The following VSTM2A variants were observed in gnomAD, a reference collection of about 807,000 sequenced individuals.
VSTM2A encodes V-set and transmembrane domain containing 2A.
A neutral mutation model predicts 27.3 loss-of-function variants in VSTM2A; 13 were observed. The ratio of observed to expected loss-of-function variants is 0.48; its 90% CI spans 0.31 to 0.76. The LOEUF (loss-of-function observed/expected upper bound fraction) is 0.76, where lower values mean the gene tolerates loss of function less well. VSTM2A is among the 30% of genes least tolerant of loss of function. The pLI is 0.05. For missense variants in VSTM2A, 280 were observed against 310.0 expected (o/e 0.90, Z 0.73); for synonymous variants, 142 against 125.7 (o/e 1.13, Z -0.87).
chr7:54,542,408 A>C lies in VSTM2A; in HGVS notation c.-323A>C. The C allele has an allele frequency of 1.9e-5, 8 of 415,712 alleles. No homozygotes were observed. Among genetic ancestry groups the C allele is most frequent in the East Asian group, 4.7e-5 (1 of 21,438 alleles). 25.8% of individuals were successfully genotyped at this position (415,712 alleles called of 1,614,324 possible). ...AGCCGGCTCCGTGTTTAGGGAGGGC[A>C]GTGATCACGCAAGCCGGAGCGGCGG... On this transcript the variant is annotated 5_prime_UTR_variant, in exon 1 of 5. Coordinates refer to ENST00000402613, the MANE Select transcript of VSTM2A (RefSeq NM_001301009.2).
chr7:54,564,145 T>A (rs1788649489), intron 4 of VSTM2A, among the ~76,000 whole-genome samples: 1 of 152,250 alleles, frequency 6.6e-6, no homozygotes, highest in South Asian at 2.1e-4. Context: ...TAAGCTGGCC[T>A]TCTTCACAGA....
At chr7:54,564,560 C>T (rs1170785963) in intron 4 of VSTM2A, among the ~76,000 whole-genome samples, 1 of 152,172 alleles carries the variant, frequency 6.6e-6, no homozygotes, top group Non-Finnish European at 1.5e-5. Context: ...AAGTTGTTTA[C>T]TTAGTTTTCT....
chr7:54,555,060 T>C (rs1167356228), intron 4 of VSTM2A, among the ~76,000 whole-genome samples: 1 of 152,224 alleles, frequency 6.6e-6, no homozygotes, highest in Non-Finnish European at 1.5e-5. Context: ...TTTATCACAG[T>C]CATTGGTCTT....
At chr7:54,542,864 A>G (rs951378462) in intron 1 of VSTM2A, 55 bp downstream of exon 1, 42 of 1,521,206 alleles carry the variant, frequency 2.8e-5, no homozygotes, top group Non-Finnish European at 3.1e-5. Context: ...TGTGTTTCCT[A>G]CACTCAAAAA....
chr7:54,554,111 A>G (rs762435818), intron 4 of VSTM2A: 2 of 1,549,114 alleles, frequency 1.3e-6, no homozygotes, highest in East Asian at 2.4e-5. Context: ...CAAAGCTGTC[A>G]TGCAAGTCAC....
rs76045558 is a variant in VSTM2A, at chr7:54,564,142, G to A, written c.635-4989G>A. Reference sequence around the variant, plus strand: ...TGGACACTCAGTTCTTCATAAGCTGGCCTTCTTCACAGACAGAGAAGTATT... The same window carrying A: ...TGGACACTCAGTTCTTCATAAGCTGACCTTCTTCACAGACAGAGAAGTATT... On this transcript the variant is annotated intron_variant, in intron 4 of 4. Coordinates refer to ENST00000402613, the MANE Select transcript of VSTM2A (RefSeq NM_001301009.2). Among the ~76,000 whole-genome samples, 1,023 of 152,252 alleles carry A rather than the reference G, an allele frequency of 6.7e-3. 10 individuals are homozygous for A. The highest frequency in any genetic ancestry group is 0.024 in the African/African-American group (979 of 41,552).
chr7:54,547,165 T>A, intron 3 of VSTM2A, 168 bp downstream of exon 3: 1 of 622,344 alleles, frequency 1.6e-6, no homozygotes, highest in Non-Finnish European at 2.5e-6. Context: ...AGTCCCTAAA[T>A]AAAATTACAT....
At chr7:54,554,097 C>G (rs1458217340) in intron 4 of VSTM2A, 3 of 1,550,382 alleles carry the variant, frequency 1.9e-6, no homozygotes, top group Non-Finnish European at 8.7e-7. Flanking sequence ...GTCGCTCGCA[C>G]TCCCAAAGCT....
chr7:54,547,087 AGGACAGCC>A (rs1324365419), intron 3 of VSTM2A, 90 bp downstream of exon 3: 3 of 1,442,092 alleles, frequency 2.1e-6, no homozygotes, highest in Non-Finnish European at 2.8e-6. Flanking sequence ...CCAGCGCTGC[AGGACAGCC>A]GGACAGCCGG....
At chr7:54,562,791 C>G (rs1156724096) in intron 4 of VSTM2A, among the ~76,000 whole-genome samples, 2 of 152,186 alleles carry the variant, frequency 1.3e-5, no homozygotes, top group Non-Finnish European at 2.9e-5. Context: ...CATTCATGAT[C>G]AGGGCAACAA....
chr7:54,556,304 A>G (rs1788355633), intron 4 of VSTM2A, among the ~76,000 whole-genome samples: 1 of 152,146 alleles, frequency 6.6e-6, no homozygotes, highest in African/African-American at 2.4e-5. Context: ...ATGAAATACA[A>G]TTATTGTGTG....
rs1491401386 is a variant in VSTM2A, at chr7:54,546,561, C to CCG, written c.247-386_247-385insCG. 10 of 144,972 alleles carry CCG rather than the reference C, an allele frequency of 6.9e-5. 1 individual carries two copies. Among genetic ancestry groups the CCG allele is most frequent in the African/African-American group, 2.5e-4 (8 of 32,272 alleles). 9.0% of individuals were successfully genotyped at this position (144,972 alleles called of 1,614,324 possible). ...GCCCGCCTCACCCCTGGCGCCCCCC[C>CCG]GCCTGCCCGCCCGCCCACCCACCTC... On this transcript the variant is annotated intron_variant, in intron 2 of 4. Transcript: ENST00000402613.
chr7:54,558,131 T>A lies in VSTM2A; in HGVS notation c.634+7961T>A, dbSNP rs950579914. 2.0e-5 allele frequency: 3 copies of A among 152,328 alleles called. No individual in the cohort carries two copies. In the East Asian group the frequency reaches 5.8e-4, roughly 29 times the overall value. 9.4% of individuals were successfully genotyped at this position (152,328 alleles called of 1,614,324 possible). On this transcript the variant is annotated intron_variant, in intron 4 of 4. Coordinates refer to ENST00000402613, the MANE Select transcript of VSTM2A (RefSeq NM_001301009.2). ...CTGCAACCTGAATAAATAACAGGTATTCTAAAGCCATAATTATACAAATTG... is the reference window on the plus strand; with the variant it reads ...CTGCAACCTGAATAAATAACAGGTAATCTAAAGCCATAATTATACAAATTG...
chr7:54,547,847 TAGA>T (rs1788053709), intron 3 of VSTM2A, among the ~76,000 whole-genome samples: 1 of 152,172 alleles, frequency 6.6e-6, no homozygotes, highest in Non-Finnish European at 1.5e-5. Context: ...CGTAAAGTGG[TAGA>T]AGATTGGAGT....
At chr7:54,549,540 G>A (rs1788112236) in intron 3 of VSTM2A, among the ~76,000 whole-genome samples, 1 of 152,166 alleles carries the variant, frequency 6.6e-6, no homozygotes, top group Non-Finnish European at 1.5e-5. Flanking sequence ...ATCCCATGAT[G>A]GAAAAATGAC....
chr7:54,551,703 AT>A (rs1788206491), intron 4 of VSTM2A: 1 of 152,162 alleles, frequency 6.6e-6, no homozygotes, highest in Non-Finnish European at 1.5e-5. Flanking sequence ...CTTTGGAGTG[AT>A]TTTCCCCTCT....
chr7:54,556,380 G>A (rs1788358685), intron 4 of VSTM2A, among the ~76,000 whole-genome samples: 1 of 152,184 alleles, frequency 6.6e-6, no homozygotes, highest in African/African-American at 2.4e-5. Flanking sequence ...AGCCAAGAGT[G>A]GCCACTTTCA....
intron 4 of VSTM2A, among the ~76,000 whole-genome samples, chr7:54,564,696 T>C (rs1013450319): frequency 2.2e-4 from 34 of 152,122 alleles, no homozygotes; most frequent in Admixed American, 2.2e-3. Context: ...CAATGTAAAC[T>C]TTCCTGGGCC....
At chr7:54,565,044 G>A (rs1326760329) in intron 4 of VSTM2A, among the ~76,000 whole-genome samples, 1 of 130,702 alleles carries the variant, frequency 7.7e-6, no homozygotes. Flanking sequence ...TGGTATATGT[G>A]GTACATTTCC....
Sources: gnomAD v4.1 joint callset for allele counts (sites outside exome capture counted in the v4.1 genomes callset) on GRCh38, gnomAD v4.1.1 for gene constraint, MANE v1.5 for transcripts, NCBI Gene and HGNC (gene_info 2026-07-23, HGNC 2026-07-21) for gene names.